The following DAP variants were observed in gnomAD, a reference collection of about 807,000 sequenced individuals.
The protein encoded by DAP is death-associated protein 1.
DAP carries 8 observed loss-of-function variants against 13.8 expected under a neutral mutation model. That is an observed-to-expected ratio of 0.58 (90% CI 0.34 to 1.05). The LOEUF is 1.05. Ranked by LOEUF, DAP falls within the 50% of genes least tolerant of loss-of-function variation. The probability of loss-of-function intolerance (pLI) is 0.03; values close to 1 mark genes in which losing one functional copy is unlikely to be tolerated. For missense variants in DAP, 106 were observed against 133.2 expected (o/e 0.80, Z 1.01); for synonymous variants, 47 against 47.5 (o/e 0.99, Z 0.04).
intron 2 of DAP, among the ~76,000 whole-genome samples, chr5:10,732,818 C>A (rs541426621): frequency 6.6e-6 from 1 of 152,192 alleles, no homozygotes; most frequent in African/African-American, 2.4e-5. Context: ...ACACTTATCA[C>A]AAAACTTACC....
chr5:10,711,788 A>G (rs1190062363), intron 2 of DAP, among the ~76,000 whole-genome samples: 1 of 152,220 alleles, frequency 6.6e-6, no homozygotes, highest in Non-Finnish European at 1.5e-5. Context: ...TTTGGGACTC[A>G]AGAGCAAGTT....
At chr5:10,759,394 G>A (rs189727524) in intron 1 of DAP, among the ~76,000 whole-genome samples, 5 of 152,188 alleles carry the variant, frequency 3.3e-5, no homozygotes, top group East Asian at 3.9e-4. Context: ...ACAGGGACCC[G>A]CTGTGGTGGA....
intron 2 of DAP, among the ~76,000 whole-genome samples, chr5:10,740,949 T>A (rs1396781744): frequency 6.6e-6 from 1 of 152,156 alleles, no homozygotes; most frequent in Non-Finnish European, 1.5e-5. Context: ...ACAATGTAAG[T>A]GGAAGTTGTA....
intron 2 of DAP, among the ~76,000 whole-genome samples, chr5:10,743,396 A>T (rs1336188065): frequency 6.6e-6 from 1 of 152,202 alleles, no homozygotes; most frequent in Non-Finnish European, 1.5e-5. Context: ...AAACAGTGCC[A>T]TGGTTCTAGG....
intron 1 of DAP, among the ~76,000 whole-genome samples, chr5:10,751,895 T>C (rs977807253): frequency 5.3e-5 from 8 of 152,234 alleles, no homozygotes; most frequent in African/African-American, 9.6e-5. Context: ...TAAATGTCTA[T>C]GGTTTAAGCC....
intron 2 of DAP, among the ~76,000 whole-genome samples, chr5:10,709,115 T>C (rs1328370587): frequency 6.6e-6 from 1 of 152,254 alleles, no homozygotes; most frequent in Non-Finnish European, 1.5e-5. Context: ...GGCTTGATCA[T>C]GAAAGTACCA....
At chr5:10,739,047 A>C (rs1308678852) in intron 2 of DAP, among the ~76,000 whole-genome samples, 1 of 151,912 alleles carries the variant, frequency 6.6e-6, no homozygotes, top group East Asian at 1.9e-4. Flanking sequence ...CTAAAAATAC[A>C]AAAAATTAGC....
intron 2 of DAP, chr5:10,733,818 C>T (rs779152537): frequency 6.6e-6 from 1 of 152,092 alleles, no homozygotes; most frequent in Non-Finnish European, 1.5e-5. Flanking sequence ...AATCAAAGTC[C>T]AAGATAATTA....
At chr5:10,749,432 G>A (rs1739989518) in intron 1 of DAP, among the ~76,000 whole-genome samples, 2 of 152,118 alleles carry the variant, frequency 1.3e-5, no homozygotes, top group African/African-American at 4.8e-5. Context: ...ACCAGTGTGT[G>A]GGTTCCAATT....
intron 2 of DAP, among the ~76,000 whole-genome samples, chr5:10,684,182 G>C (rs1193009228): frequency 6.6e-6 from 1 of 152,168 alleles, no homozygotes; most frequent in African/African-American, 2.4e-5. Flanking sequence ...CATTTATTTG[G>C]ATTTAATGAG....
At chr5:10,698,282 C>CAAAAAAAAAAAA (rs71613386) in intron 2 of DAP, among the ~76,000 whole-genome samples, 13 of 42,894 alleles carry the variant, frequency 3.0e-4, no homozygotes, top group East Asian at 9.1e-4. Flanking sequence ...CCAGACTTAG[C>CAAAAAAAAAAAA]AAAAAAAAAA....
At chr5:10,682,132 C>T (rs1282012695) in intron 3 of DAP, among the ~76,000 whole-genome samples, 1 of 151,074 alleles carries the variant, frequency 6.6e-6, no homozygotes, top group Non-Finnish European at 1.5e-5. Flanking sequence ...AGGCCAGCAC[C>T]CATCAGCGTC....
At position 10,760,999 on chromosome 5, in the gene DAP, GA is replaced by G; in HGVS notation, c.55+14del. ...CCGGCACCCGCGCGTGGAGAGAGAG[GA>G]AAAGAGTCAGTACCGGCGGGCGGGT... On this transcript the variant is annotated intron_variant, in intron 1 of 3. Transcript: ENST00000230895. 3 of 1,232,190 alleles carry G rather than the reference GA, an allele frequency of 2.4e-6. No homozygotes were observed. Among genetic ancestry groups the G allele is most frequent in the South Asian group, 3.3e-5 (1 of 30,510 alleles). 76.3% of individuals were successfully genotyped at this position (1,232,190 alleles called of 1,614,324 possible). A position where few individuals can be genotyped will look rare whatever the true frequency, so the allele number is the denominator to read the frequency against.
At chr5:10,700,200 G>T (rs1198401848) in intron 2 of DAP, among the ~76,000 whole-genome samples, 1 of 152,298 alleles carries the variant, frequency 6.6e-6, no homozygotes, top group South Asian at 2.1e-4. Context: ...ACTTTGAGGC[G>T]CTATGTACAC....
chr5:10,721,765 A>G (rs1237900884), intron 2 of DAP, among the ~76,000 whole-genome samples: 1 of 152,262 alleles, frequency 6.6e-6, no homozygotes, highest in African/African-American at 2.4e-5. Flanking sequence ...AGCTACGACC[A>G]TGTGACCAGT....
At chr5:10,734,807 T>C (rs568550033) in intron 2 of DAP, among the ~76,000 whole-genome samples, 74 of 152,338 alleles carry the variant, frequency 4.9e-4, no homozygotes, top group African/African-American at 1.7e-3. Context: ...AAGAAGGCAA[T>C]TATTTAGCTG....
chr5:10,758,577 T>C (rs1561039047), intron 1 of DAP, among the ~76,000 whole-genome samples: 1 of 152,168 alleles, frequency 6.6e-6, no homozygotes. Flanking sequence ...GGAGTTTACC[T>C]GGGGGATGAA....
At chr5:10,687,833 T>G (rs1006451541) in intron 2 of DAP, among the ~76,000 whole-genome samples, 1 of 152,088 alleles carries the variant, frequency 6.6e-6, no homozygotes, top group African/African-American at 2.4e-5. Context: ...CAACATTGTA[T>G]GCTGCAGAGA....
chr5:10,697,618 T>G (rs1738467160), intron 2 of DAP, among the ~76,000 whole-genome samples: 2 of 152,258 alleles, frequency 1.3e-5, no homozygotes, highest in East Asian at 3.8e-4. Flanking sequence ...GTGTCCATGG[T>G]TCAAAGTACA....
Sources: gnomAD v4.1 joint callset for allele counts (sites outside exome capture counted in the v4.1 genomes callset) on GRCh38, gnomAD v4.1.1 for gene constraint, MANE v1.5 for transcripts, NCBI Gene and HGNC (gene_info 2026-07-23, HGNC 2026-07-21) for gene names.